Variants in LRP6 observed in about 807,000 individuals in gnomAD.
The protein encoded by LRP6 is low-density lipoprotein receptor-related protein 6.
A neutral mutation model predicts 184.1 loss-of-function variants in LRP6; 43 were observed. The ratio of observed to expected loss-of-function variants is 0.23; its 90% confidence interval spans 0.18 to 0.30. The LOEUF (loss-of-function observed/expected upper bound fraction) is 0.30, where lower values mean the gene tolerates loss of function less well. LRP6 is among the 10% of genes least tolerant of loss of function. LRP6 has a pLI of 1.00. For synonymous variants in LRP6, 719 were observed against 684.9 expected, an observed-to-expected ratio of 1.05 and a Z score of -0.78; for missense variants, 1,571 against 2,005.3, an observed-to-expected ratio of 0.78 and a Z score of 4.14.
intron 7 of LRP6, among the ~76,000 whole-genome samples, chr12:12,170,723 T>A (rs1403099190): frequency 1.3e-5 from 2 of 151,984 alleles, no homozygotes; most frequent in Admixed American, 1.3e-4. Context: ...CAAACAAATG[T>A]CTTTTATTTG....
Position 12,120,981 on chromosome 12 carries a change from C to T in LRP6, c.*145G>A. ...TCCTTTTCTTCTGTACAAATATCTC[C>T]AGTATTCCCTACCCCATTTTATAAT... is the stretch of plus-strand genomic sequence containing the variant. On this transcript the variant is annotated 3_prime_UTR_variant, in exon 23 of 23. Transcript: ENST00000261349. The T allele has an allele frequency of 1.6e-6, 1 of 609,782 alleles. No homozygotes were observed. Among genetic ancestry groups the T allele is most frequent in the Non-Finnish European group, 2.8e-6 (1 of 361,084 alleles). 37.8% of individuals were successfully genotyped at this position (609,782 alleles called of 1,614,324 possible).
rs1322745517 is a variant in LRP6 at position 12,180,959 on chromosome 12, G to A, written c.1373+84C>T. ...CTGTTTACTGGAAACCAATATATAT[G>A]TCATGTTATCTTAGTCAATGTTTTC... On this transcript the variant is annotated intron_variant, in intron 6 of 22. Transcript: ENST00000261349. 3.5e-6 allele frequency: 5 copies of A among 1,434,428 alleles called. No homozygotes were observed. In the African/African-American group the frequency reaches 7.0e-5, roughly 20 times the overall value. 88.9% of individuals were successfully genotyped at this position (1,434,428 alleles called of 1,614,324 possible).
At chr12:12,264,601 G>T (rs1425335134) in intron 1 of LRP6, among the ~76,000 whole-genome samples, 1 of 152,074 alleles carries the variant, frequency 6.6e-6, no homozygotes, top group African/African-American at 2.4e-5. Flanking sequence ...CTTTGTGGGG[G>T]AAAAAAATGA....
intron 2 of LRP6, among the ~76,000 whole-genome samples, chr12:12,207,495 C>T (rs1316721152): frequency 1.3e-5 from 2 of 152,002 alleles, no homozygotes; most frequent in Non-Finnish European, 2.9e-5. Context: ...GATTGCACCA[C>T]CGCACTTTTG....
intron 12 of LRP6, chr12:12,155,741 T>G: frequency 2.9e-6 from 3 of 1,020,904 alleles, no homozygotes; most frequent in Non-Finnish European, 4.7e-6. Flanking sequence ...CCTGAGCTGC[T>G]GGAACCTATT....
intron 9 of LRP6, among the ~76,000 whole-genome samples, chr12:12,163,124 C>A (rs1862781301): frequency 6.6e-6 from 1 of 151,916 alleles, no homozygotes; most frequent in Non-Finnish European, 1.5e-5. Context: ...TACAGGTATG[C>A]GCCACCATGA....
chr12:12,186,884 C>G (rs1863489413), intron 4 of LRP6, 39 bp downstream of exon 4: 2 of 1,554,196 alleles, frequency 1.3e-6, no homozygotes, highest in Non-Finnish European at 1.8e-6. Flanking sequence ...TGCTACAAAG[C>G]TGTTCCAACT....
intron 7 of LRP6, among the ~76,000 whole-genome samples, chr12:12,174,963 T>C (rs1863133596): frequency 6.6e-6 from 1 of 152,242 alleles, no homozygotes; most frequent in Non-Finnish European, 1.5e-5. Flanking sequence ...CTCTAAGATT[T>C]AAAGCAAATA....
At chr12:12,260,335 G>A (rs1019230353) in intron 1 of LRP6, among the ~76,000 whole-genome samples, 2 of 149,654 alleles carry the variant, frequency 1.3e-5, no homozygotes, top group East Asian at 3.9e-4. Flanking sequence ...CCGAGATTAC[G>A]CCACTGCACT....
At chr12:12,241,011 G>C (rs1387458126) in intron 2 of LRP6, among the ~76,000 whole-genome samples, 1 of 152,158 alleles carries the variant, frequency 6.6e-6, no homozygotes, top group Admixed American at 6.5e-5. Flanking sequence ...TAATATAATA[G>C]AGGCCAAATT....
rs1863966864 is a variant in LRP6 at position 12,203,391 on chromosome 12, G to A, written c.459C>T (p.Tyr153=). ...TTGGCACTTCTCCCCAGTCTGTCCA[G>A]TACATGAACCTAAAAATCATAAAAA... ...IALDPSSGFM[Y]WTDWGEVPKI... is the part of the protein sequence containing the mutation. The change falls in exon 3 of 23, where the codon TAC becomes TAT. Residue 153 remains tyrosine (Y), a synonymous_variant. Transcript: ENST00000261349. 5 of 1,611,850 alleles carry A rather than the reference G, an allele frequency of 3.1e-6. No homozygotes were observed. The highest frequency in any genetic ancestry group is 4.2e-6 in the Non-Finnish European group (5 of 1,177,924).
chr12:12,207,136 TAA>T (rs1864082865), intron 2 of LRP6, among the ~76,000 whole-genome samples: 1 of 152,212 alleles, frequency 6.6e-6, no homozygotes, highest in South Asian at 2.1e-4. Context: ...TGGCAGGCCA[TAA>T]AGAGTGGTAG....
At chr12:12,175,110 C>T (rs555423923) in intron 7 of LRP6, among the ~76,000 whole-genome samples, 5 of 151,820 alleles carry the variant, frequency 3.3e-5, no homozygotes, top group Non-Finnish European at 5.9e-5. Flanking sequence ...AAAAACAGGT[C>T]GGGCATGGTG....
Position 12,118,205 on chromosome 12 carries a change from C to G in LRP6, c.*2921G>C, listed in dbSNP as rs947352418. 8 of 152,118 alleles carry G rather than the reference C, an allele frequency of 5.3e-5. No homozygotes were observed. The highest frequency in any genetic ancestry group is 1.7e-4 in the African/African-American group (7 of 41,398). 9.4% of individuals were successfully genotyped at this position (152,118 alleles called of 1,614,324 possible). On this transcript the variant is annotated 3_prime_UTR_variant, in exon 23 of 23. Transcript: ENST00000261349. ...TTAATAGTCAGAAAATTCTATCCACCAACTCTCTTTGTTTCCCTGTGAATG... is the reference window on the plus strand; with the variant it reads ...TTAATAGTCAGAAAATTCTATCCACGAACTCTCTTTGTTTCCCTGTGAATG...
chr12:12,180,725 G>A (rs1863322869), intron 6 of LRP6, among the ~76,000 whole-genome samples: 1 of 152,158 alleles, frequency 6.6e-6, no homozygotes, highest in African/African-American at 2.4e-5. Flanking sequence ...TAGGGGAAGG[G>A]AAAGAGTTCT....
rs144622728 is a variant in LRP6, at chr12:12,249,301, A to C, written c.56-4646T>G. On this transcript the variant is annotated intron_variant, in intron 1 of 22. Coordinates refer to ENST00000261349, the MANE Select transcript of LRP6 (RefSeq NM_002336.3). ...TAATGGATTGGTGGACCCAAGAGCCATATCAGTGCTAGCAAAATGGCAGAA... is the reference window on the plus strand; with the variant it reads ...TAATGGATTGGTGGACCCAAGAGCCCTATCAGTGCTAGCAAAATGGCAGAA... 590 of 1,134,046 alleles carry C rather than the reference A, an allele frequency of 5.2e-4. 1 individual carries two copies. The highest frequency in any genetic ancestry group is 5.9e-4 in the Non-Finnish European group (445 of 750,160). 70.2% of individuals were successfully genotyped at this position (1,134,046 alleles called of 1,614,324 possible). A position where few individuals can be genotyped will look rare whatever the true frequency, so the allele number is the denominator to read the frequency against.
At chr12:12,194,342 T>C (rs919295019) in intron 3 of LRP6, among the ~76,000 whole-genome samples, 6 of 152,058 alleles carry the variant, frequency 3.9e-5, no homozygotes, top group Non-Finnish European at 7.4e-5. Flanking sequence ...CAAACACTCT[T>C]GTAACCACGA....
intron 12 of LRP6, among the ~76,000 whole-genome samples, chr12:12,158,604 A>G (rs542182904): frequency 1.2e-4 from 19 of 152,260 alleles, no homozygotes; most frequent in Non-Finnish European, 2.5e-4. Context: ...GGTTACGGAC[A>G]TAAGACAATG....
At chr12:12,181,568 T>G in intron 5 of LRP6, 129 bp from the exon 6 acceptor site, 2 of 684,242 alleles carry the variant, frequency 2.9e-6, no homozygotes, top group Non-Finnish European at 2.6e-6. Flanking sequence ...GGATGTGCAC[T>G]CTCTTTAGAG....
Sources: gnomAD v4.1 joint callset for allele counts (sites outside exome capture counted in the v4.1 genomes callset) on GRCh38, gnomAD v4.1.1 for gene constraint, MANE v1.5 for transcripts, NCBI Gene and HGNC (gene_info 2026-07-23, HGNC 2026-07-21) for gene names.